PGAP6: variants seen among roughly 807,000 people sequenced by gnomAD.
The protein encoded by PGAP6 is post-GPI attachment to proteins 6.
PGAP6 carries 62 observed loss-of-function variants against 68.4 expected under a neutral mutation model. That is an observed-to-expected ratio of 0.91 (90% CI 0.74 to 1.12). PGAP6 has a LOEUF of 1.12. PGAP6 is among the 50% of genes most tolerant of loss of function. The probability of loss-of-function intolerance (pLI) is 0.00; values close to 1 mark genes in which losing one functional copy is unlikely to be tolerated. For missense variants in PGAP6, 1,188 were observed against 1,068.5 expected (o/e 1.11, Z -1.56); for synonymous variants, 575 against 474.0 (o/e 1.21, Z -2.77).
intron 6 of PGAP6, among the ~76,000 whole-genome samples, chr16:375,721 G>A (rs775658385): frequency 2.0e-5 from 3 of 151,924 alleles, no homozygotes; most frequent in Non-Finnish European, 2.9e-5. Flanking sequence ...CAGTAGAGAC[G>A]GGGTTTCACC....
intron 1 of PGAP6, among the ~76,000 whole-genome samples, chr16:381,453 G>A (rs901886270): frequency 1.3e-5 from 2 of 152,188 alleles, no homozygotes; most frequent in African/African-American, 4.8e-5. Flanking sequence ...AGGGGAGGGG[G>A]CGCTCCAGGG....
At chr16:375,026 C>A in intron 8 of PGAP6, 107 bp downstream of exon 8, 1 of 1,573,816 alleles carries the variant, frequency 6.4e-7, no homozygotes, top group Non-Finnish European at 8.6e-7. Flanking sequence ...GGAGGAAGCA[C>A]CCCTCTAGCT....
upstream of PGAP6, chr16:386,944 C>T (rs756832757): frequency 1.7e-6 from 1 of 579,234 alleles, no homozygotes; most frequent in Non-Finnish European, 3.3e-6. Flanking sequence ...CCTGAATATC[C>T]TTGGAAGAGC....
chr16:385,367 C>T (rs1329255893), upstream of PGAP6, among the ~76,000 whole-genome samples: 4 of 131,946 alleles, frequency 3.0e-5, no homozygotes, highest in Non-Finnish European at 6.1e-5. Flanking sequence ...GGCTGGAGTG[C>T]AGTGATGCGA....
chr16:375,401 C>T lies in PGAP6; in HGVS notation c.1259G>A (p.Cys420Tyr), dbSNP rs1243213303. ...AAGGAAGGGCGAGGCAGCATTCACG[C>T]AGGCCACTACGACGGTCTCGTTCCG... The part of the protein sequence containing the change: ...EMRNETVVVA[C>Y]VNAASPFLGF... The change falls in exon 7 of 13, where the codon TGC becomes TAC. Residue 420 changes from cysteine to tyrosine, a missense_variant. Transcript: ENST00000431232. The T allele has an allele frequency of 6.2e-7, 1 of 1,612,776 alleles. No homozygotes were observed. Among genetic ancestry groups the T allele is most frequent in the African/African-American group, 1.3e-5 (1 of 74,926 alleles).
rs561952784 is a variant in PGAP6 at position 372,752 on chromosome 16, C to T, written c.1903-25G>A. On this transcript the variant is annotated intron_variant, in intron 11 of 12. Coordinates refer to ENST00000431232, the MANE Select transcript of PGAP6 (RefSeq NM_021259.3). The stretch of plus-strand genomic sequence containing the variant: ...CCTGCGCAAGACACAGGGATGACTG[C>T]AGGGACGTCTCTGAGGGCTCAAGGC... 3.9e-5 allele frequency: 61 copies of T among 1,556,112 alleles called. 2 individuals carry two copies. The South Asian group carries it at 6.4e-4, about 16-fold the overall frequency.
chr16:377,635 G>A (rs547558464), intron 2 of PGAP6, 36 bp downstream of exon 2: 449 of 1,571,344 alleles, frequency 2.9e-4, no homozygotes, highest in Middle Eastern at 2.2e-3. Context: ...TTGGCCAGGC[G>A]CGGGAGGGTG....
intron 11 of PGAP6, among the ~76,000 whole-genome samples, chr16:373,724 C>G (rs895681233): frequency 6.6e-6 from 1 of 152,202 alleles, no homozygotes; most frequent in Admixed American, 6.5e-5. Context: ...ATTTTTTGTA[C>G]AGCCCAGGCT....
chr16:385,366 G>A (rs1427569460), upstream of PGAP6, among the ~76,000 whole-genome samples: 13 of 137,670 alleles, frequency 9.4e-5, no homozygotes, highest in Non-Finnish European at 1.8e-4. Context: ...AGGCTGGAGT[G>A]CAGTGATGCG....
intron 11 of PGAP6, 30 bp from the exon 12 acceptor site, chr16:372,757 A>C: frequency 6.5e-7 from 1 of 1,545,106 alleles, no homozygotes; most frequent in Non-Finnish European, 8.9e-7. Context: ...GACTGCAGGG[A>C]CGTCTCTGAG....
chr16:377,832 G>A lies in PGAP6; in HGVS notation c.138C>T (p.Ser46=), dbSNP rs779120194. ...YSGKSEVGLV[S]EHFSQAPQRL... is the part of the protein sequence containing the mutation. The stretch of plus-strand genomic sequence containing the variant: ...TCTGCGGGGCCTGCGAGAAGTGCTC[G>A]GACACCAGCCCCACCTCTGTGAGGA... Residue 46 remains serine (S), a synonymous_variant, in exon 2 of 13, where the codon TCC becomes TCT. Coordinates refer to ENST00000431232, the MANE Select transcript of PGAP6 (RefSeq NM_021259.3). 3.6e-5 allele frequency: 56 copies of A among 1,560,072 alleles called. No homozygotes were observed. Among genetic ancestry groups the A allele is most frequent in the Non-Finnish European group, 4.3e-5 (49 of 1,152,738 alleles).
Position 381,747 on chromosome 16 carries a change from C to T in PGAP6, c.75G>A (p.Leu25=). 2.5e-6 allele frequency: 3 copies of T among 1,179,028 alleles called. No individual in the cohort carries two copies. The highest frequency in any genetic ancestry group is 3.2e-6 in the Non-Finnish European group (3 of 951,354). 73.0% of individuals were successfully genotyped at this position (1,179,028 alleles called of 1,614,324 possible). The change falls in exon 1 of 13, where the codon CTG becomes CTA. Residue 25 remains leucine, a synonymous_variant. Coordinates refer to ENST00000431232, the MANE Select transcript of PGAP6 (RefSeq NM_021259.3). ...CGGAGGCAGGCGGGGGCCGGGCAAGCAGCAGCAGCAGCAGCGGCCCCGCCA... is the reference window on the plus strand; with the variant it reads ...CGGAGGCAGGCGGGGGCCGGGCAAGTAGCAGCAGCAGCAGCGGCCCCGCCA... ...AVVAGPLLLL[L]LARPPPASAG...
At chr16:385,815 G>A (rs1275399058), upstream of PGAP6, among the ~76,000 whole-genome samples, 1 of 150,934 alleles carries the variant, frequency 6.6e-6, no homozygotes, top group African/African-American at 2.4e-5. Flanking sequence ...TAGTAGAGAC[G>A]GGGTTTCACC....
At position 374,354 on chromosome 16, in the gene PGAP6, A is replaced by G. The variant is rs749535651; in HGVS notation, c.1622T>C (p.Val541Ala). 3 of 1,600,798 alleles carry G rather than the reference A, an allele frequency of 1.9e-6. No individual in the cohort carries two copies. The highest frequency in any genetic ancestry group is 2.5e-6 in the Non-Finnish European group (3 of 1,178,626). The part of the protein sequence containing the change: ...SCTDNSTAQT[V>A]AQQRAATLLL... ...CAGTGTGGCCGCCCTCTGCTGGGCC[A>G]CCGTCTGGGCTGTGCTGTTGTCCGT... The change falls in exon 10 of 13, where the codon GTG (valine) becomes GCG (alanine). Residue 541 changes from valine to alanine, a missense_variant. By Grantham distance (64) the Val-to-Ala change is moderately conservative. Transcript: ENST00000431232.
chr16:376,507 G>A (rs201656553), intron 5 of PGAP6, 37 bp downstream of exon 5: 24 of 1,542,052 alleles, frequency 1.6e-5, no homozygotes, highest in Non-Finnish European at 1.9e-5. Flanking sequence ...GATCTGGGGA[G>A]GGGCAGGGCC....
chr16:373,691 C>A (rs2054353605), intron 11 of PGAP6, among the ~76,000 whole-genome samples: 1 of 152,262 alleles, frequency 6.6e-6, no homozygotes, highest in Non-Finnish European at 1.5e-5. Flanking sequence ...AGGCATGTAC[C>A]ACTACGCTCG....
In PGAP6 at chr16:372,256, A is replaced by C; in HGVS notation, c.2047T>G (p.Cys683Gly). The change falls in exon 13 of 13, where the codon TGC becomes GGC. Residue 683 changes from cysteine to glycine, a missense_variant. Transcript: ENST00000431232. ...CAGCGCTGCCACGAGGTGGGGTAGC[A>C]CTGGCGCCGGTGCCCGCAGCGGTAA... ...WAYRCGHRRQ[C>G]YPTSWQRWAF... 1 of 1,611,344 alleles carries C rather than the reference A, an allele frequency of 6.2e-7. No individual in the cohort carries two copies.
At chr16:386,022 G>C (rs182801176), upstream of PGAP6, among the ~76,000 whole-genome samples, 212 of 152,162 alleles carry the variant, frequency 1.4e-3, 1 homozygote, top group Admixed American at 2.2e-3. Flanking sequence ...TAACAGGGAC[G>C]CATCGTATTT....
intron 9 of PGAP6, 138 bp downstream of exon 9, chr16:374,618 G>C: frequency 7.9e-7 from 1 of 1,259,672 alleles, no homozygotes; most frequent in Non-Finnish European, 1.1e-6. Flanking sequence ...GGGGAGTGGG[G>C]AGGAGGCTTT....
Sources: allele counts gnomAD v4.1 joint callset (sites outside exome capture counted in the v4.1 genomes callset), GRCh38; gene constraint gnomAD v4.1.1; transcripts MANE v1.5; gene names NCBI Gene and HGNC (gene_info 2026-07-23, HGNC 2026-07-21).